Variants in ANKRD27 observed in about 807,000 individuals in gnomAD.
The protein encoded by ANKRD27 is ankyrin repeat domain 27.
A neutral mutation model predicts 129.7 loss-of-function variants in ANKRD27; 112 were observed. That is an observed-to-expected ratio of 0.86 (90% CI 0.74 to 1.01). The LOEUF is 1.01. Among genes scored for constraint, ANKRD27 ranks in the 50% least tolerant of loss-of-function variants. The pLI is 0.00. For missense variants in ANKRD27, 1,258 were observed against 1,300.5 expected (o/e 0.97, Z 0.50); for synonymous variants, 516 against 511.2 (o/e 1.01, Z -0.13).
In ANKRD27 at chr19:32,609,094, G is replaced by A. The variant is rs924787547; in HGVS notation, c.2176-1262C>T. On this transcript the variant is annotated intron_variant, in intron 22 of 28. Transcript: ENST00000306065. ...CGTTGGCTAGGCTGGGCAACAGAGC[G>A]AGACTCCATCTCCAAAAAAAAAAAA... 8.9e-5 allele frequency among the ~76,000 whole-genome samples: 12 copies of A among 134,308 alleles called. No individual in the cohort carries two copies. The East Asian group carries it at 1.1e-3, about 13-fold the overall frequency. 88.1% of individuals were successfully genotyped at this position (134,308 alleles called of 152,430 possible). A position where few individuals can be genotyped will look rare whatever the true frequency, so the allele number is the denominator to read the frequency against.
At position 32,668,702 on chromosome 19, in the gene ANKRD27, C is replaced by T. The variant is rs143437968; in HGVS notation, c.-31+6369G>A. Among the ~76,000 whole-genome samples, 480 of 151,958 alleles carry T rather than the reference C, an allele frequency of 3.2e-3. 4 individuals are homozygous for T. The highest frequency in any genetic ancestry group is 0.011 in the African/African-American group (451 of 41,470). ...AGTTACTTAAGCAATCCTCCTGTCT[C>T]GGACTCCAGGGTGCTGAGATTACAG... is the stretch of plus-strand genomic sequence containing the variant. On this transcript the variant is annotated intron_variant, in intron 1 of 28. Coordinates refer to ENST00000306065, the MANE Select transcript of ANKRD27 (RefSeq NM_032139.3).
intron 12 of ANKRD27, 123 bp downstream of exon 12, chr19:32,639,233 C>A (rs1967147657): frequency 6.8e-6 from 8 of 1,179,700 alleles, no homozygotes; most frequent in African/African-American, 3.1e-5. Flanking sequence ...AGCCCTCAAA[C>A]AGCTGAGGCC....
rs933743536 is a variant in ANKRD27, at chr19:32,645,591, A to G, written c.370+868T>C. 2.0e-5 allele frequency among the ~76,000 whole-genome samples: 3 copies of G among 151,778 alleles called. No homozygotes were observed. The South Asian group carries it at 6.2e-4, about 32-fold the overall frequency. ...GTAACTGAGACTACAGGCATGCACCACCATGCCCGGCTAATTATTTTATTT... is the reference window on the plus strand; with the variant it reads ...GTAACTGAGACTACAGGCATGCACCGCCATGCCCGGCTAATTATTTTATTT... On this transcript the variant is annotated intron_variant, in intron 4 of 28. Coordinates refer to ENST00000306065, the MANE Select transcript of ANKRD27 (RefSeq NM_032139.3).
intron 18 of ANKRD27, among the ~76,000 whole-genome samples, chr19:32,620,877 C>CTGTATT (rs1971999152): frequency 1.0e-5 from 1 of 98,058 alleles, no homozygotes; most frequent in African/African-American, 4.3e-5. Context: ...TACAGCCAAA[C>CTGTATT]CTTGTCTCAA....
Position 32,628,070 on chromosome 19 carries a change from CAGG to C in ANKRD27, c.1420+10_1420+12del. On this transcript the variant is annotated intron_variant, in intron 15 of 28. Transcript: ENST00000306065. Reference sequence around the variant, plus strand: ...CTGTGACAGCCCCTAGGGGCCAGCCCAGGACCACATACCACAGACAGCAGCCAC... The same window carrying C: ...CTGTGACAGCCCCTAGGGGCCAGCCCACCACATACCACAGACAGCAGCCAC... 6.2e-7 allele frequency: 1 copy of C among 1,613,750 alleles called. No homozygotes were observed. Among genetic ancestry groups the C allele is most frequent in the Non-Finnish European group, 8.5e-7 (1 of 1,179,678 alleles).
At chr19:32,641,957 T>A in intron 10 of ANKRD27, 67 bp downstream of exon 10, 1 of 1,496,714 alleles carries the variant, frequency 6.7e-7, no homozygotes, top group Non-Finnish European at 9.0e-7. Flanking sequence ...TAAGACAGCA[T>A]CACTCTTTGC....
intron 1 of ANKRD27, among the ~76,000 whole-genome samples, chr19:32,664,931 A>C (rs1967720901): frequency 7.1e-6 from 1 of 141,478 alleles, no homozygotes; most frequent in Admixed American, 7.2e-5. Context: ...AAAAAAAAAA[A>C]AAAAAAAACT....
At chr19:32,641,952 C>T (rs1967209332) in intron 10 of ANKRD27, 72 bp downstream of exon 10, 7 of 1,488,874 alleles carry the variant, frequency 4.7e-6, no homozygotes, top group Non-Finnish European at 6.3e-6. Flanking sequence ...TCCCTTAAGA[C>T]AGCATCACTC....
chr19:32,616,544 G>A (rs1054058796), intron 21 of ANKRD27, among the ~76,000 whole-genome samples: 4 of 96,034 alleles, frequency 4.2e-5, no homozygotes, highest in Admixed American at 2.4e-4. Context: ...GCAAGACTCC[G>A]TCTCAAAAAA....
At chr19:32,648,687 C>G (rs924913657) in intron 3 of ANKRD27, among the ~76,000 whole-genome samples, 12 of 151,468 alleles carry the variant, frequency 7.9e-5, no homozygotes, top group Admixed American at 2.6e-4. Flanking sequence ...GTAGTCCCAG[C>G]TACTCGGGAG....
At chr19:32,645,600 G>A (rs983376051) in intron 4 of ANKRD27, among the ~76,000 whole-genome samples, 7 of 151,288 alleles carry the variant, frequency 4.6e-5, no homozygotes, top group African/African-American at 7.3e-5. Context: ...CACCATGCCC[G>A]GCTAATTATT....
intron 3 of ANKRD27, among the ~76,000 whole-genome samples, chr19:32,649,307 C>T (rs1001032369): frequency 2.6e-5 from 4 of 152,136 alleles, no homozygotes; most frequent in Admixed American, 1.3e-4. Flanking sequence ...AAATATTCAT[C>T]CCTGATGTCC....
chr19:32,628,222 C>A, intron 14 of ANKRD27, 57 bp from the exon 15 acceptor site: 1 of 1,467,940 alleles, frequency 6.8e-7, no homozygotes, highest in Non-Finnish European at 9.5e-7. Flanking sequence ...CAAAGCCTCT[C>A]CCTGACCAGG....
chr19:32,623,083 C>T (rs1471080221), intron 17 of ANKRD27, among the ~76,000 whole-genome samples: 6 of 151,994 alleles, frequency 3.9e-5, no homozygotes, highest in Admixed American at 1.3e-4. Context: ...TGAGCCACTG[C>T]GCTCAGCCAG....
At chr19:32,631,566 A>C (rs1599752804) in intron 12 of ANKRD27, 72 bp from the exon 13 acceptor site, 1 of 1,216,310 alleles carries the variant, frequency 8.2e-7, no homozygotes, top group Non-Finnish European at 1.2e-6. Context: ...CTCAGCAACA[A>C]CCCCGGCTGT....
chr19:32,656,230 A>G (rs1967534418), intron 2 of ANKRD27, among the ~76,000 whole-genome samples: 1 of 152,198 alleles, frequency 6.6e-6, no homozygotes, highest in Non-Finnish European at 1.5e-5. Context: ...AGAAATAACT[A>G]TGCCACAGTG....
intron 21 of ANKRD27, among the ~76,000 whole-genome samples, chr19:32,616,042 C>G (rs963302384): frequency 6.6e-6 from 1 of 152,138 alleles, no homozygotes; most frequent in Admixed American, 6.6e-5. Flanking sequence ...CTTTAAAACT[C>G]TAGTCCTAGG....
intron 21 of ANKRD27, among the ~76,000 whole-genome samples, chr19:32,616,237 C>T (rs1568400488): frequency 1.3e-5 from 2 of 152,102 alleles, no homozygotes; most frequent in Non-Finnish European, 2.9e-5. Flanking sequence ...TTAGTGAGCA[C>T]CTCACTCCCT....
intron 2 of ANKRD27, among the ~76,000 whole-genome samples, chr19:32,650,080 C>T (rs1438533326): frequency 3.9e-5 from 6 of 152,120 alleles, no homozygotes; most frequent in African/African-American, 9.7e-5. Context: ...TGGAGGCTGA[C>T]GGCTCCTTCC....
Sources: gnomAD v4.1 joint callset for allele counts (sites outside exome capture counted in the v4.1 genomes callset) on GRCh38, gnomAD v4.1.1 for gene constraint, MANE v1.5 for transcripts, NCBI Gene and HGNC (gene_info 2026-07-23, HGNC 2026-07-21) for gene names.